Variants in TDRD3 observed in about 807,000 individuals in gnomAD.
TDRD3 encodes the protein tudor domain containing 3.
TDRD3 carries 45 observed loss-of-function variants against 86.7 expected under a neutral mutation model. That is an observed-to-expected ratio of 0.52 (90% CI 0.41 to 0.67). The LOEUF (loss-of-function observed/expected upper bound fraction) is 0.67. TDRD3 is among the 30% of genes least tolerant of loss of function. TDRD3 has a pLI of 0.00. For missense variants in TDRD3, 814 were observed against 889.0 expected (o/e 0.92, Z 1.07); for synonymous variants, 298 against 301.7 (o/e 0.99, Z 0.13).
At chr13:60,492,437 G>T (rs561019976) in intron 7 of TDRD3, among the ~76,000 whole-genome samples, 1 of 152,212 alleles carries the variant, frequency 6.6e-6, no homozygotes, top group East Asian at 1.9e-4. Context: ...TCCCAATGAG[G>T]TAGGTTTTCT....
At chr13:60,527,560 A>T (rs868794033) in intron 10 of TDRD3, among the ~76,000 whole-genome samples, 19 of 152,242 alleles carry the variant, frequency 1.2e-4, no homozygotes, top group African/African-American at 4.1e-4. Context: ...ATGTGAAATT[A>T]TGGAGGAAGA....
intron 12 of TDRD3, among the ~76,000 whole-genome samples, chr13:60,565,277 G>C (rs1314938986): frequency 6.6e-6 from 1 of 151,422 alleles, no homozygotes; most frequent in African/African-American, 2.4e-5. Context: ...GGATGGTCTT[G>C]ATCTCCAGAC....
chr13:60,478,246 T>C (rs1022434224), intron 5 of TDRD3, among the ~76,000 whole-genome samples: 1 of 151,690 alleles, frequency 6.6e-6, no homozygotes, highest in East Asian at 1.9e-4. Flanking sequence ...ATTGTACCGA[T>C]TTGGATCTTC....
At chr13:60,398,154 G>T (rs568240837) in intron 1 of TDRD3, among the ~76,000 whole-genome samples, 4 of 152,308 alleles carry the variant, frequency 2.6e-5, no homozygotes, top group African/African-American at 9.6e-5. Context: ...CGGCCATTAC[G>T]GTTGTAATCA....
rs111472924 is a variant in TDRD3, at chr13:60,408,220, C to T, written c.41+10815C>T. Reference sequence around the variant, plus strand: ...ACCTCCCGCCATGATTCTGAGGCCTCCCCAGCCATGTGGAACTGTAAGTCC... The same window carrying T: ...ACCTCCCGCCATGATTCTGAGGCCTTCCCAGCCATGTGGAACTGTAAGTCC... On this transcript the variant is annotated intron_variant, in intron 1 of 13. Coordinates refer to ENST00000377881, the MANE Select transcript of TDRD3 (RefSeq NM_001146070.2). 2.6e-3 allele frequency among the ~76,000 whole-genome samples: 400 copies of T among 152,296 alleles called. 1 individual carries two copies. Among genetic ancestry groups the T allele is most frequent in the South Asian group, 7.9e-3 (38 of 4,826 alleles).
chr13:60,503,350 A>C (rs1379437673), intron 8 of TDRD3, among the ~76,000 whole-genome samples: 3 of 152,228 alleles, frequency 2.0e-5, no homozygotes, highest in Non-Finnish European at 4.4e-5. Flanking sequence ...TGCAAATGAC[A>C]TTTCCAGGGT....
intron 5 of TDRD3, among the ~76,000 whole-genome samples, chr13:60,473,868 G>A (rs559213660): frequency 3.5e-4 from 54 of 152,220 alleles, no homozygotes; most frequent in African/African-American, 1.2e-3. Flanking sequence ...TTGGCCTAGC[G>A]GTAGCGTCAG....
chr13:60,483,660 T>C (rs546623778), intron 5 of TDRD3, 115 bp from the exon 6 acceptor site: 179 of 900,376 alleles, frequency 2.0e-4, no homozygotes, highest in Non-Finnish European at 2.6e-4. Flanking sequence ...AGGCCTTTTT[T>C]TTTCCTATTT....
intron 8 of TDRD3, among the ~76,000 whole-genome samples, chr13:60,495,122 A>AT (rs534226482): frequency 2.0e-3 from 303 of 152,286 alleles, no homozygotes; most frequent in Non-Finnish European, 3.2e-3. Flanking sequence ...ACTTTGGTTG[A>AT]TTTTTGTCTT....
intron 2 of TDRD3, among the ~76,000 whole-genome samples, chr13:60,441,944 A>G (rs9528139): frequency 0.2 from 29,680 of 152,140 alleles, 3,597 homozygotes; most frequent in South Asian, 0.29. Context: ...TATTGTTTAT[A>G]TGAATAATCC....
intron 12 of TDRD3, among the ~76,000 whole-genome samples, chr13:60,558,963 G>C (rs1033255927): frequency 6.5e-5 from 9 of 137,576 alleles, no homozygotes; most frequent in African/African-American, 2.4e-4. Context: ...AGACATTTTT[G>C]CTTTTTTTTT....
intron 3 of TDRD3, among the ~76,000 whole-genome samples, chr13:60,457,301 CT>C (rs992296069): frequency 3.9e-5 from 6 of 152,164 alleles, no homozygotes; most frequent in African/African-American, 1.4e-4. Flanking sequence ...TTCTACCTTG[CT>C]TTTGAACCAG....
intron 5 of TDRD3, among the ~76,000 whole-genome samples, chr13:60,478,851 C>T (rs1176777461): frequency 6.9e-6 from 1 of 145,800 alleles, no homozygotes; most frequent in African/African-American, 2.6e-5. Flanking sequence ...TCATCCAGGC[C>T]AGAGTGCTGT....
chr13:60,544,826 C>T (rs979287858), intron 12 of TDRD3, among the ~76,000 whole-genome samples: 7 of 151,958 alleles, frequency 4.6e-5, no homozygotes, highest in African/African-American at 1.7e-4. Flanking sequence ...CAAAGGAACT[C>T]TATAAATAAT....
chr13:60,522,567 T>C lies in TDRD3; in HGVS notation c.1142-5800T>C, dbSNP rs1957312341. ...AAAGATGAGGCTCAGAAAAGTTAAA[T>C]ATTTCACCTAAGGTTACAGAACTAG... On this transcript the variant is annotated intron_variant, in intron 10 of 13. Coordinates refer to ENST00000377881, the MANE Select transcript of TDRD3 (RefSeq NM_001146070.2). 2.0e-5 allele frequency among the ~76,000 whole-genome samples: 3 copies of C among 152,204 alleles called. No individual in the cohort carries two copies. In the South Asian group the frequency reaches 6.2e-4, roughly 31 times the overall value.
chr13:60,460,583 A>G, intron 4 of TDRD3, 43 bp downstream of exon 4: 1 of 1,492,022 alleles, frequency 6.7e-7, no homozygotes, highest in Non-Finnish European at 8.9e-7. Flanking sequence ...AGAATGTTGA[A>G]GGTGCTATTC....
intron 7 of TDRD3, among the ~76,000 whole-genome samples, chr13:60,493,768 C>G (rs925547209): frequency 2.0e-5 from 3 of 151,982 alleles, no homozygotes; most frequent in African/African-American, 7.3e-5. Flanking sequence ...CTTTCAAAAC[C>G]AATATTATTT....
chr13:60,459,479 G>C (rs1470098702), intron 3 of TDRD3, among the ~76,000 whole-genome samples: 1 of 152,156 alleles, frequency 6.6e-6, no homozygotes, highest in Admixed American at 6.5e-5. Flanking sequence ...CGAAGTTAAA[G>C]TTTTTATTTT....
intron 11 of TDRD3, 70 bp from the exon 12 acceptor site, chr13:60,535,038 A>G (rs1957669095): frequency 6.4e-7 from 1 of 1,562,240 alleles, no homozygotes; most frequent in African/African-American, 1.4e-5. Flanking sequence ...AAAAATTTAC[A>G]TTTCCCTCAA....
Sources: gnomAD v4.1 joint callset for allele counts (sites outside exome capture counted in the v4.1 genomes callset) on GRCh38, gnomAD v4.1.1 for gene constraint, MANE v1.5 for transcripts, NCBI Gene and HGNC (gene_info 2026-07-23, HGNC 2026-07-21) for gene names.